The following NBDY variants were observed in gnomAD, a reference collection of about 807,000 sequenced individuals.
NBDY encodes the protein P-body dissociating protein.
intron 2 of NBDY, among the ~76,000 whole-genome samples, chrX:56,755,446 A>G (rs2069605428): frequency 8.9e-6 from 1 of 112,457 alleles, no homozygotes; most frequent in East Asian, 2.8e-4. Context: ...ATTTACAAGG[A>G]AAAAACAAAC....
chrX:56,750,171 A>G (rs1325026109), intron 2 of NBDY, among the ~76,000 whole-genome samples: 1 of 111,570 alleles, frequency 9.0e-6, no homozygotes, highest in Non-Finnish European at 1.9e-5. Context: ...GAGATTTGTG[A>G]GAATGGCTAA....
intron 2 of NBDY, among the ~76,000 whole-genome samples, chrX:56,756,911 C>T (rs763398069): frequency 1.8e-5 from 2 of 110,264 alleles, no homozygotes; most frequent in Non-Finnish European, 3.8e-5. Flanking sequence ...GCCGAGATTG[C>T]GCCACTCCAC....
intron 2 of NBDY, among the ~76,000 whole-genome samples, chrX:56,754,402 A>G (rs751281393): frequency 8.9e-6 from 1 of 111,955 alleles, no homozygotes; most frequent in Admixed American, 9.5e-5. Context: ...AGAACACTTC[A>G]TCTAACAACA....
chrX:56,780,830 A>G (rs1185025522), intron 2 of NBDY, among the ~76,000 whole-genome samples: 86 of 76,523 alleles, frequency 1.1e-3, no homozygotes, highest in South Asian at 2.4e-3. Flanking sequence ...GGTAGCATGC[A>G]CCAGGGTGCG....
chrX:56,798,115 A>G lies in NBDY; in HGVS notation c.*167-19205A>G, dbSNP rs773090042. Among the ~76,000 whole-genome samples the G allele has an allele frequency of 8.0e-5, 9 of 112,248 alleles. No individual in the cohort carries two copies. The South Asian group carries it at 1.5e-3, about 19-fold the overall frequency. On this transcript the variant is annotated intron_variant, in intron 2 of 2. Coordinates refer to ENST00000374922, the MANE Select transcript of NBDY (RefSeq NM_001348129.2). ...CTTAATCTCTGACAAGCAATGGGCT[A>G]TGGGCAAGCATTCCTGGCTTCAGGC...
intron 2 of NBDY, among the ~76,000 whole-genome samples, chrX:56,742,046 A>G (rs1003951645): frequency 8.9e-6 from 1 of 111,878 alleles, no homozygotes; most frequent in Non-Finnish European, 1.9e-5. Flanking sequence ...ATTCTTCTGC[A>G]TATGGATATC....
chrX:56,787,748 T>C (rs1383230052), intron 2 of NBDY, among the ~76,000 whole-genome samples: 2 of 112,266 alleles, frequency 1.8e-5, no homozygotes, highest in East Asian at 5.6e-4. Context: ...CTTGCCTGTG[T>C]GAAAGCAGAG....
At chrX:56,811,422 A>G (rs1261246786) in intron 2 of NBDY, among the ~76,000 whole-genome samples, 1 of 112,309 alleles carries the variant, frequency 8.9e-6, no homozygotes, top group Non-Finnish European at 1.9e-5. Context: ...CCTGACTGGA[A>G]CTGCTGCCTT....
chrX:56,756,393 G>A (rs1215930341), intron 2 of NBDY, among the ~76,000 whole-genome samples: 5 of 106,245 alleles, frequency 4.7e-5, no homozygotes, highest in Non-Finnish European at 9.7e-5. Flanking sequence ...TTTGGAAAAG[G>A]ATACACCCTA....
intron 2 of NBDY, among the ~76,000 whole-genome samples, chrX:56,759,559 G>C (rs988552894): frequency 9.1e-6 from 1 of 110,089 alleles, no homozygotes; most frequent in Non-Finnish European, 1.9e-5. Context: ...TCGGGGTGGA[G>C]GAGCAGGGTT....
intron 2 of NBDY, among the ~76,000 whole-genome samples, chrX:56,742,965 A>T (rs1288536339): frequency 9.0e-6 from 1 of 111,320 alleles, no homozygotes; most frequent in Non-Finnish European, 1.9e-5. Flanking sequence ...TGGGTCTGTT[A>T]TATATGGGTT....
intron 2 of NBDY, among the ~76,000 whole-genome samples, chrX:56,811,541 C>G (rs1194612210): frequency 8.9e-6 from 1 of 112,089 alleles, no homozygotes; most frequent in African/African-American, 3.2e-5. Flanking sequence ...TTTCCAGCAG[C>G]TTTGTTTACA....
intron 2 of NBDY, among the ~76,000 whole-genome samples, chrX:56,755,490 A>G (rs1022373255): frequency 8.9e-5 from 10 of 112,487 alleles, no homozygotes; most frequent in Non-Finnish European, 1.7e-4. Context: ...GGATATGAAC[A>G]GACACTTCTC....
intron 1 of NBDY, among the ~76,000 whole-genome samples, chrX:56,731,851 C>A (rs988164624): frequency 9.0e-6 from 1 of 111,568 alleles, no homozygotes; most frequent in South Asian, 3.7e-4. Context: ...AGTAGCTGAG[C>A]TGAGCTTTGA....
At chrX:56,805,073 G>A (rs997269066) in intron 2 of NBDY, among the ~76,000 whole-genome samples, 6 of 112,158 alleles carry the variant, frequency 5.3e-5, no homozygotes, top group African/African-American at 1.6e-4. Context: ...TCTCACGAAC[G>A]TCAGTTTCAT....
intron 2 of NBDY, among the ~76,000 whole-genome samples, chrX:56,747,936 A>T (rs956569741): frequency 9.0e-6 from 1 of 111,311 alleles, no homozygotes; most frequent in Non-Finnish European, 1.9e-5. Context: ...ATTATAAAGA[A>T]TTGGCTTGTG....
At chrX:56,794,608 T>G (rs2069782708) in intron 2 of NBDY, among the ~76,000 whole-genome samples, 1 of 105,416 alleles carries the variant, frequency 9.5e-6, no homozygotes, top group Admixed American at 1.0e-4. Flanking sequence ...ATCCCACCCT[T>G]AGGCGGTGGC....
At chrX:56,753,914 G>A (rs991615864) in intron 2 of NBDY, among the ~76,000 whole-genome samples, 8 of 111,441 alleles carry the variant, frequency 7.2e-5, no homozygotes, top group Non-Finnish European at 1.3e-4. Flanking sequence ...GTGCATGGAG[G>A]AGTGTGAGGA....
intron 2 of NBDY, among the ~76,000 whole-genome samples, chrX:56,795,903 C>T (rs146478551): frequency 0.01 from 1,142 of 112,108 alleles, 10 homozygotes; most frequent in African/African-American, 0.035. Context: ...CAGAGGTTCT[C>T]GTTTTTAACT....
Sources: allele counts gnomAD v4.1 joint callset (sites outside exome capture counted in the v4.1 genomes callset), GRCh38; gene constraint gnomAD v4.1.1; transcripts MANE v1.5; gene names NCBI Gene and HGNC (gene_info 2026-07-23, HGNC 2026-07-21).